Variants in NPC1 observed in about 807,000 individuals in gnomAD.
The protein encoded by NPC1 is Niemann-Pick C1 protein.
A neutral mutation model predicts 140.4 loss-of-function variants in NPC1; 85 were observed. The ratio of observed to expected loss-of-function variants is 0.61; its 90% confidence interval spans 0.51 to 0.72. NPC1 has a LOEUF of 0.72. Among genes scored for constraint, NPC1 ranks in the 30% least tolerant of loss-of-function variants. NPC1 has a pLI of 0.00. For synonymous variants in NPC1, 656 were observed against 624.8 expected (o/e 1.05, Z -0.74); for missense variants, 1,504 against 1,623.8 (o/e 0.93, Z 1.27).
At chr18:23,526,733 G>A, downstream of NPC1, 1 of 1,614,114 alleles carries the variant, frequency 6.2e-7, no homozygotes, top group Non-Finnish European at 8.5e-7. Context: ...AGAAAGGAAT[G>A]CAAGATGGTC....
chr18:23,541,166 C>T lies in NPC1; in HGVS notation c.2416G>A (p.Asp806Asn). 6.2e-7 allele frequency: 1 copy of T among 1,614,218 alleles called. No individual in the cohort carries two copies. Among genetic ancestry groups the T allele is most frequent in the Non-Finnish European group, 8.5e-7 (1 of 1,180,038 alleles). The change falls in exon 16 of 25, where the codon GAT becomes AAT. Residue 806 changes from aspartate (D) to asparagine (N), a missense_variant. Transcript: ENST00000269228. ...DIFCCVRGAE[D>N]GTSVQASESC... ...TCTGAGGCCTGGACGCTTGTTCCAT[C>T]TTCAGCACCTCTGACACAGCAAAAG... is the stretch of plus-strand genomic sequence containing the variant.
chr18:23,560,379 T>C lies in NPC1; in HGVS notation c.733A>G (p.Ile245Val). The change falls in exon 6 of 25, where the codon ATT becomes GTT. Residue 245 changes from isoleucine to valine, a missense_variant. By Grantham distance (29) the Ile-to-Val change is conservative (BLOSUM62 3). Transcript: ENST00000269228. ...TAPCSCQDCSIVCGPKPQPPP... is the reference protein window; with the variant it reads ...TAPCSCQDCSVVCGPKPQPPP... The stretch of plus-strand genomic sequence containing the variant: ...GGCTGGGGCTTGGGGCCACAGACAA[T>C]AGAGCAGTCTTGGCAGCTACATGGT... 2 of 1,614,180 alleles carry C rather than the reference T, an allele frequency of 1.2e-6. No individual in the cohort carries two copies. The highest frequency in any genetic ancestry group is 1.7e-6 in the Non-Finnish European group (2 of 1,180,030).
rs2059038270 is a variant in NPC1, at chr18:23,561,484, A to G, written c.507T>C (p.Asn169=). The change falls in exon 5 of 25, where the codon AAT becomes AAC. Residue 169 remains asparagine, a synonymous_variant. Transcript: ENST00000269228. ...ACRDVEAPSS[N]DKALGLLCGK... is the part of the protein sequence containing the mutation. ...CACACAGGAGTCCCAGGGCCTTGTCATTACTTGAGGGGGCCTCCACATCCC... is the reference window on the plus strand; with the variant it reads ...CACACAGGAGTCCCAGGGCCTTGTCGTTACTTGAGGGGGCCTCCACATCCC... 6.2e-7 allele frequency: 1 copy of G among 1,614,022 alleles called. No homozygotes were observed. Among genetic ancestry groups the G allele is most frequent in the Non-Finnish European group, 8.5e-7 (1 of 1,180,040 alleles).
chr18:23,530,752 C>T (rs2058471204), downstream of NPC1: 4 of 740,192 alleles, frequency 5.4e-6, no homozygotes, highest in Non-Finnish European at 6.5e-6. Flanking sequence ...GCCCTTGGCC[C>T]ATTATTTGTA....
downstream of NPC1, chr18:23,529,228 T>A: frequency 6.2e-7 from 1 of 1,614,072 alleles, no homozygotes. Context: ...AAGAGGCCGG[T>A]GCGGACCCAG....
At chr18:23,527,562 T>C (rs1217585625), downstream of NPC1, among the ~76,000 whole-genome samples, 1 of 150,158 alleles carries the variant, frequency 6.7e-6, no homozygotes, top group Non-Finnish European at 1.5e-5. Context: ...ATTATAGGCA[T>C]GTGCCACTGA....
chr18:23,522,405 A>T (rs1223909252), exon 2 of NPC1: 1 of 152,232 alleles, frequency 6.6e-6, no homozygotes, highest in African/African-American at 2.4e-5. Flanking sequence ...TGTGGGCCAC[A>T]TGTGGCCCAG....
chr18:23,573,806 C>T (rs2059236725), intron 1 of NPC1, among the ~76,000 whole-genome samples: 1 of 152,120 alleles, frequency 6.6e-6, no homozygotes, highest in African/African-American at 2.4e-5. Context: ...TTTCTATTTC[C>T]TGCTTATTTG....
At chr18:23,558,938 G>A (rs1305838586) in intron 6 of NPC1, among the ~76,000 whole-genome samples, 2 of 151,494 alleles carry the variant, frequency 1.3e-5, no homozygotes, top group Non-Finnish European at 2.9e-5. Flanking sequence ...TGTTCTCATT[G>A]TTCAATTCCC....
At chr18:23,542,347 T>C (rs544246694) in intron 14 of NPC1, among the ~76,000 whole-genome samples, 24 of 150,620 alleles carry the variant, frequency 1.6e-4, no homozygotes, top group Non-Finnish European at 3.1e-4. Context: ...AGATGAAGAA[T>C]AACAAGCTAG....
At position 23,531,795 on chromosome 18, in the gene NPC1, T is replaced by TA. The variant is rs1427828844; in HGVS notation, c.*406dup. On this transcript the variant is annotated 3_prime_UTR_variant, in exon 25 of 25. Coordinates refer to ENST00000269228, the MANE Select transcript of NPC1 (RefSeq NM_000271.5). ...TTAAACTATAAAATGTTATAAAGTGTATCTACAACCTCAACTGTCACTAAA... is the reference window on the plus strand; with the variant it reads ...TTAAACTATAAAATGTTATAAAGTGTAATCTACAACCTCAACTGTCACTAAA... 6 of 1,539,738 alleles carry TA rather than the reference T, an allele frequency of 3.9e-6. No homozygotes were observed. The highest frequency in any genetic ancestry group is 2.8e-5 in the African/African-American group (2 of 71,460).
At chr18:23,545,647 A>G (rs535945617) in intron 11 of NPC1, among the ~76,000 whole-genome samples, 1 of 152,324 alleles carries the variant, frequency 6.6e-6, no homozygotes, top group South Asian at 2.1e-4. Flanking sequence ...GCTGGAGTAC[A>G]GTGGCACTAT....
At chr18:23,538,238 GT>G (rs1177017897) in intron 20 of NPC1, among the ~76,000 whole-genome samples, 1 of 152,196 alleles carries the variant, frequency 6.6e-6, no homozygotes, top group Non-Finnish European at 1.5e-5. Context: ...CCAGCAGGCC[GT>G]CCTCTCCCTC....
At chr18:23,516,496 C>T in intron 3 of NPC1, 3 of 1,496,828 alleles carry the variant, frequency 2.0e-6, no homozygotes, top group Middle Eastern at 3.4e-4. Context: ...GAGTGTGTTA[C>T]AAGCACCACG....
At chr18:23,558,984 G>A (rs1317257902) in intron 6 of NPC1, among the ~76,000 whole-genome samples, 1 of 151,072 alleles carries the variant, frequency 6.6e-6, no homozygotes, top group East Asian at 2.0e-4. Context: ...TTGGTTTTTT[G>A]TCCTTGCGAT....
intron 1 of NPC1, among the ~76,000 whole-genome samples, chr18:23,578,513 A>G (rs1427778237): frequency 6.6e-6 from 1 of 152,206 alleles, no homozygotes; most frequent in Admixed American, 6.5e-5. Flanking sequence ...AACAGCTGAA[A>G]GTGGAGAGCC....
chr18:23,529,164 G>A, downstream of NPC1: 1 of 1,606,458 alleles, frequency 6.2e-7, no homozygotes, highest in Non-Finnish European at 8.5e-7. Context: ...ATAGTTTGTG[G>A]TTTTTTTCTT....
At chr18:23,584,962 G>A (rs1367363949) in intron 1 of NPC1, among the ~76,000 whole-genome samples, 1 of 152,188 alleles carries the variant, frequency 6.6e-6, no homozygotes, top group African/African-American at 2.4e-5. Context: ...TGGAAGGACT[G>A]CTTGAGGCCA....
At chr18:23,542,272 T>TC (rs2058723860) in intron 14 of NPC1, among the ~76,000 whole-genome samples, 1 of 150,486 alleles carries the variant, frequency 6.6e-6, no homozygotes, top group Non-Finnish European at 1.5e-5. Flanking sequence ...TTTTTTTTTT[T>TC]CTGCACCTGT....
Sources: gnomAD v4.1 joint callset for allele counts (sites outside exome capture counted in the v4.1 genomes callset) on GRCh38, gnomAD v4.1.1 for gene constraint, MANE v1.5 for transcripts, NCBI Gene and HGNC (gene_info 2026-07-23, HGNC 2026-07-21) for gene names.